HTR2A: variants seen among roughly 807,000 people sequenced by gnomAD.
HTR2A encodes 5-HT2 receptor.
Under a neutral mutation model 31.0 loss-of-function variants are expected in HTR2A, and 14 were observed. The ratio of observed to expected loss-of-function variants is 0.45; its 90% CI spans 0.30 to 0.71. The LOEUF is 0.71. Ranked by LOEUF, HTR2A falls within the 30% of genes least tolerant of loss-of-function variation. The pLI is 0.09. For missense variants in HTR2A, 442 were observed against 573.3 expected (o/e 0.77, Z 2.34); for synonymous variants, 209 against 225.2 (o/e 0.93, Z 0.64).
intron 3 of HTR2A, among the ~76,000 whole-genome samples, chr13:46,880,576 C>T (rs1356972880): frequency 6.6e-6 from 1 of 152,136 alleles, no homozygotes; most frequent in Admixed American, 6.5e-5. Context: ...TGGTGGCTCA[C>T]ACCTATAATC....
chr13:46,884,168 C>T lies in HTR2A; in HGVS notation c.613+8222G>A, dbSNP rs189305987. On this transcript the variant is annotated intron_variant, in intron 3 of 3. Coordinates refer to ENST00000542664, the MANE Select transcript of HTR2A (RefSeq NM_000621.5). ...TGGAATAAAAATATTTGTGACAGGCCGGGTGAAGTGGCTCACGCCTGTAAT... is the reference window on the plus strand; with the variant it reads ...TGGAATAAAAATATTTGTGACAGGCTGGGTGAAGTGGCTCACGCCTGTAAT... 9.2e-5 allele frequency among the ~76,000 whole-genome samples: 14 copies of T among 152,268 alleles called. No homozygotes were observed. In the East Asian group the frequency reaches 1.3e-3, roughly 15 times the overall value.
chr13:46,884,452 C>T (rs1201768509), intron 3 of HTR2A, among the ~76,000 whole-genome samples: 1 of 152,142 alleles, frequency 6.6e-6, no homozygotes, highest in Non-Finnish European at 1.5e-5. Flanking sequence ...ATCACGAGGT[C>T]AGGACATCAA....
intron 3 of HTR2A, among the ~76,000 whole-genome samples, chr13:46,853,076 G>T (rs1469885988): frequency 6.6e-6 from 1 of 151,626 alleles, no homozygotes; most frequent in Non-Finnish European, 1.5e-5. Context: ...TCTGCTTGTT[G>T]TCAGTATCTT....
Position 46,895,971 on chromosome 13 carries a change from CATTCACCTTG to C in HTR2A, c.-75_-66del. On this transcript the variant is annotated 5_prime_UTR_variant, in exon 2 of 4. It adds an upstream start codon to the 5' untranslated region. Transcript: ENST00000542664. The surrounding 1 kb of genome is among the most constrained non-coding windows in gnomAD (Gnocchi z 4.4). ...CTAACAGGTTATAGTTTCTGCTCACCATTCACCTTGATGTACCCACACTCTGTAACACTGA... is the reference window on the plus strand; with the variant it reads ...CTAACAGGTTATAGTTTCTGCTCACCATGTACCCACACTCTGTAACACTGA... 1 of 1,535,798 alleles carries C rather than the reference CATTCACCTTG, an allele frequency of 6.5e-7. No homozygotes were observed. The highest frequency in any genetic ancestry group is 1.3e-5 in the South Asian group (1 of 77,176).
At chr13:46,872,523 T>C (rs1950870313) in intron 3 of HTR2A, among the ~76,000 whole-genome samples, 1 of 152,208 alleles carries the variant, frequency 6.6e-6, no homozygotes, top group South Asian at 2.1e-4. Flanking sequence ...ATTATATAGA[T>C]TTGTTACGTC....
chr13:46,849,988 A>T (rs1370758635), intron 3 of HTR2A, among the ~76,000 whole-genome samples: 1 of 152,218 alleles, frequency 6.6e-6, no homozygotes, highest in African/African-American at 2.4e-5. Flanking sequence ...TAAAAAGAAG[A>T]GGAGAGAACA....
chr13:46,896,914 G>T lies in HTR2A; in HGVS notation c.-569C>A. ...GGCTCGGCTGGGTTCCTCCCTCCCT[G>T]TGCGGCTCGCCTCAGCAGGCACACA... On this transcript the variant is annotated 5_prime_UTR_variant, in exon 1 of 4. Coordinates refer to ENST00000542664, the MANE Select transcript of HTR2A (RefSeq NM_000621.5). 1 of 1,216,116 alleles carries T rather than the reference G, an allele frequency of 8.2e-7. No individual in the cohort carries two copies. Among genetic ancestry groups the T allele is most frequent in the Non-Finnish European group, 1.1e-6 (1 of 872,460 alleles). The allele number at this position is 1,216,116 out of a possible 1,614,324, so 75.3% of individuals were successfully genotyped here.
chr13:46,854,962 A>G (rs1232588973), intron 3 of HTR2A, among the ~76,000 whole-genome samples: 3 of 152,174 alleles, frequency 2.0e-5, no homozygotes, highest in East Asian at 1.9e-4. Context: ...AAGAGAAAAA[A>G]TTTGGACGTG....
intron 3 of HTR2A, among the ~76,000 whole-genome samples, chr13:46,869,880 G>C (rs1248963560): frequency 6.6e-6 from 1 of 152,090 alleles, no homozygotes; most frequent in Non-Finnish European, 1.5e-5. Context: ...GCAGATTAGA[G>C]GTTACCAGGG....
intron 3 of HTR2A, among the ~76,000 whole-genome samples, chr13:46,851,306 T>G (rs1449960519): frequency 6.6e-6 from 1 of 152,144 alleles, no homozygotes; most frequent in African/African-American, 2.4e-5. Context: ...AGTAAAAATC[T>G]AATCAGCCAA....
intron 3 of HTR2A, among the ~76,000 whole-genome samples, chr13:46,886,894 G>T (rs1029995129): frequency 2.0e-5 from 3 of 152,144 alleles, no homozygotes; most frequent in Admixed American, 6.5e-5. Flanking sequence ...TGGAGAACAC[G>T]TCAGGCTTTC....
At position 46,834,919 on chromosome 13, in the gene HTR2A, A is replaced by G. The variant is rs1198961924; in HGVS notation, c.1334T>C (p.Met445Thr). Residue 445 changes from methionine (M) to threonine (T), a missense_variant, in exon 4 of 4, where the codon ATG becomes ACG. Around this residue, in one of 5 missense-constraint regions of HTR2A, gnomAD observed 88 missense variants for 83.1 expected, o/e 1.06. Coordinates refer to ENST00000542664, the MANE Select transcript of HTR2A (RefSeq NM_000621.5). ...DAKTTDNDCS[M>T]VALGKQHSEE... ...AGAATGCTGCTTTCCTAGAGCAACC[A>G]TTGAGCAGTCATTATCTGTTGTCTT... 4 of 1,614,092 alleles carry G rather than the reference A, an allele frequency of 2.5e-6. No homozygotes were observed. Among genetic ancestry groups the G allele is most frequent in the Non-Finnish European group, 3.4e-6 (4 of 1,179,944 alleles).
intron 3 of HTR2A, among the ~76,000 whole-genome samples, chr13:46,859,857 C>A (rs1004052426): frequency 1.3e-5 from 2 of 152,168 alleles, no homozygotes; most frequent in African/African-American, 4.8e-5. Flanking sequence ...CTTCTTTTAC[C>A]TGAGTATAGC....
At position 46,892,582 on chromosome 13, in the gene HTR2A, A is replaced by G. The variant is rs1330614688; in HGVS notation, c.421T>C (p.Trp141Arg). Residue 141 changes from tryptophan (W) to arginine (R), a missense_variant, in exon 3 of 4, where the codon TGG becomes CGG. Coordinates refer to ENST00000542664, the MANE Select transcript of HTR2A (RefSeq NM_000621.5). Reference sequence around the variant, plus strand: ...GCACAAAGCTTGCTCGGCAGAGGCCACCGGTACCCTATGAGGCAGAAGGTT... The same window carrying G: ...GCACAAAGCTTGCTCGGCAGAGGCCGCCGGTACCCTATGAGGCAGAAGGTT... ...SMLTILYGYRWPLPSKLCAVW... is the reference protein window; with the variant it reads ...SMLTILYGYRRPLPSKLCAVW... 1 of 1,614,160 alleles carries G rather than the reference A, an allele frequency of 6.2e-7. No homozygotes were observed.
intron 3 of HTR2A, among the ~76,000 whole-genome samples, chr13:46,887,371 C>T (rs372843825): frequency 2.2e-5 from 3 of 138,586 alleles, no homozygotes; most frequent in Admixed American, 8.1e-5. Flanking sequence ...TGCAGTGAGC[C>T]GAGATCGCGC....
At chr13:46,890,682 T>C (rs1255352788) in intron 3 of HTR2A, among the ~76,000 whole-genome samples, 2 of 152,198 alleles carry the variant, frequency 1.3e-5, no homozygotes, top group African/African-American at 2.4e-5. Context: ...GAGGAAAAGA[T>C]GGTTGACCTT....
At chr13:46,839,872 T>C (rs920708839) in intron 3 of HTR2A, among the ~76,000 whole-genome samples, 2 of 152,182 alleles carry the variant, frequency 1.3e-5, no homozygotes, top group Non-Finnish European at 2.9e-5. Context: ...GCATCAATAA[T>C]TCACTTTGAA....
Position 46,895,941 on chromosome 13 carries a change from A to T in HTR2A, c.-35T>A. 6.4e-7 allele frequency: 1 copy of T among 1,574,714 alleles called. No individual in the cohort carries two copies. The highest frequency in any genetic ancestry group is 8.6e-7 in the Non-Finnish European group (1 of 1,162,132). ...AGAACTTGTAGCAGATGAGGTGTAG[A>T]AGGACTAACAGGTTATAGTTTCTGC... On this transcript the variant is annotated 5_prime_UTR_variant, in exon 2 of 4. Transcript: ENST00000542664. This position sits in a 1 kb window ranked among gnomAD's most constrained non-coding sequence, Gnocchi z 4.4.
intron 3 of HTR2A, among the ~76,000 whole-genome samples, chr13:46,838,654 G>A (rs1950576670): frequency 6.6e-6 from 1 of 152,042 alleles, no homozygotes; most frequent in Non-Finnish European, 1.5e-5. Context: ...GTGACGCCGG[G>A]TCTTAATCAA....
Sources: allele counts gnomAD v4.1 joint callset (sites outside exome capture counted in the v4.1 genomes callset), GRCh38; gene constraint gnomAD v4.1.1; regional missense constraint gnomAD v4.1.1; non-coding constraint Gnocchi (gnomAD v3.1); transcripts MANE v1.5; gene names NCBI Gene and HGNC (gene_info 2026-07-23, HGNC 2026-07-21).